The following VWA3B variants were observed in gnomAD, a reference collection of about 807,000 sequenced individuals.
The protein encoded by VWA3B is von Willebrand factor A domain-containing protein 3B.
Under a neutral mutation model 158.3 loss-of-function variants are expected in VWA3B, and 138 were observed. That is an observed-to-expected ratio of 0.87 (90% CI 0.76 to 1.00). The LOEUF (loss-of-function observed/expected upper bound fraction) is 1.00. Ranked by LOEUF, VWA3B falls within the 50% of genes least tolerant of loss-of-function variation. The probability of loss-of-function intolerance (pLI) is 0.00; values close to 1 mark genes in which losing one functional copy is unlikely to be tolerated. For synonymous variants in VWA3B, 596 were observed against 587.3 expected (o/e 1.01, Z -0.21); for missense variants, 1,555 against 1,565.1 (o/e 0.99, Z 0.11).
At chr2:98,100,965 T>C (rs1161570847) in intron 2 of VWA3B, among the ~76,000 whole-genome samples, 1 of 152,182 alleles carries the variant, frequency 6.6e-6, no homozygotes, top group Non-Finnish European at 1.5e-5. Context: ...CACTGGAAAG[T>C]CCTGTTTTGC....
chr2:98,112,217 CTG>C (rs1674185717), intron 2 of VWA3B, among the ~76,000 whole-genome samples: 1 of 151,496 alleles, frequency 6.6e-6, no homozygotes, highest in Non-Finnish European at 1.5e-5. Context: ...GATCATATGA[CTG>C]TAGTTGTGTG....
At chr2:98,316,162 A>G (rs910193436), downstream of VWA3B, among the ~76,000 whole-genome samples, 1 of 152,186 alleles carries the variant, frequency 6.6e-6, no homozygotes, top group African/African-American at 2.4e-5. Context: ...TTGCTGACTC[A>G]TTAACATACT....
chr2:98,268,131 T>G (rs1260841242), intron 21 of VWA3B, among the ~76,000 whole-genome samples: 2 of 151,558 alleles, frequency 1.3e-5, no homozygotes, highest in Non-Finnish European at 2.9e-5. Flanking sequence ...ACTGGTACCA[T>G]TCCTTCTGAA....
chr2:98,168,728 G>A (rs1167615006), intron 8 of VWA3B, among the ~76,000 whole-genome samples: 1 of 152,126 alleles, frequency 6.6e-6, no homozygotes, highest in Non-Finnish European at 1.5e-5. Context: ...TAGCAGATTA[G>A]ACATCGCAGG....
chr2:98,234,729 C>T lies in VWA3B; in HGVS notation c.2390C>T (p.Ser797Phe). Residue 797 changes from serine to phenylalanine, a missense_variant, in exon 17 of 28, where the codon TCC (serine) becomes TTC (phenylalanine). Coordinates refer to ENST00000477737, the MANE Select transcript of VWA3B (RefSeq NM_144992.5). The part of the protein sequence containing the change: ...SACSERKDGL[S>F]NASSRRTALS... ...TGCAGTGAAAGGAAGGATGGCCTCT[C>T]CAATGCCAGCAGCCGGAGGACTGCT... 6.2e-7 allele frequency: 1 copy of T among 1,614,204 alleles called. No homozygotes were observed. The highest frequency in any genetic ancestry group is 8.5e-7 in the Non-Finnish European group (1 of 1,180,032).
intron 26 of VWA3B, 49 bp downstream of exon 26, chr2:98,303,851 A>C: frequency 6.4e-7 from 1 of 1,565,204 alleles, no homozygotes. Context: ...ATATCCTTGC[A>C]CCTTTAATCT....
At chr2:98,103,044 A>G (rs1046832175) in intron 2 of VWA3B, among the ~76,000 whole-genome samples, 1 of 152,222 alleles carries the variant, frequency 6.6e-6, no homozygotes, top group Admixed American at 6.5e-5. Flanking sequence ...AGCATTGATC[A>G]TAATATGCCC....
downstream of VWA3B, among the ~76,000 whole-genome samples, chr2:98,314,170 T>C (rs1691036519): frequency 6.6e-6 from 1 of 152,126 alleles, no homozygotes; most frequent in African/African-American, 2.4e-5. Context: ...GCAGCCTCTG[T>C]GAGCTGAGGA....
intron 19 of VWA3B, among the ~76,000 whole-genome samples, chr2:98,240,198 TACAGAGACAC>T (rs1685984277): frequency 6.6e-6 from 1 of 152,174 alleles, no homozygotes; most frequent in East Asian, 1.9e-4. Context: ...AACGTATTTA[TACAGAGACAC>T]ATAAGAACTT....
intron 8 of VWA3B, among the ~76,000 whole-genome samples, chr2:98,164,965 T>C (rs1371178812): frequency 2.6e-5 from 4 of 152,250 alleles, no homozygotes; most frequent in Admixed American, 1.3e-4. Flanking sequence ...TTAGCCTTAT[T>C]CTTCTGCACA....
chr2:98,212,811 A>T (rs180951654), intron 13 of VWA3B, among the ~76,000 whole-genome samples: 185 of 55,864 alleles, frequency 3.3e-3, no homozygotes, highest in African/African-American at 0.013. Flanking sequence ...TTTATTTAAA[A>T]TTTTTTTTCC....
intron 13 of VWA3B, chr2:98,216,633 T>C: frequency 2.2e-6 from 1 of 452,296 alleles, no homozygotes. Flanking sequence ...CACAGCTGTT[T>C]AGACTCAGAG....
At position 98,188,026 on chromosome 2, in the gene VWA3B, G is replaced by C. The variant is rs201222817; in HGVS notation, c.1363G>C (p.Ala455Pro). The change falls in exon 10 of 28, where the codon GCT becomes CCT. Residue 455 changes from alanine (A) to proline (P), a missense_variant. Transcript: ENST00000477737. ...HAKYCSRFVH[A>P]PWKDGSLVHV... is the part of the protein sequence containing the mutation. ...AAAATATTGCAGCAGGTTTGTCCAT[G>C]CTCCCTGGAAGGATGGGAGCTTGGT... 28 of 1,613,920 alleles carry C rather than the reference G, an allele frequency of 1.7e-5. No homozygotes were observed. In the South Asian group the frequency reaches 2.9e-4, roughly 16 times the overall value.
intron 22 of VWA3B, among the ~76,000 whole-genome samples, chr2:98,278,062 G>A (rs533729390): frequency 6.6e-6 from 1 of 152,124 alleles, no homozygotes; most frequent in South Asian, 2.1e-4. Context: ...AGTCTGTTTT[G>A]CTGATATTCA....
At chr2:98,165,968 C>T (rs1679035547) in intron 8 of VWA3B, among the ~76,000 whole-genome samples, 1 of 152,106 alleles carries the variant, frequency 6.6e-6, no homozygotes, top group Non-Finnish European at 1.5e-5. Flanking sequence ...GAGTGTGTGG[C>T]CTGAATTGTG....
At chr2:98,148,552 T>C (rs1047910170) in intron 7 of VWA3B, among the ~76,000 whole-genome samples, 2 of 152,238 alleles carry the variant, frequency 1.3e-5, no homozygotes, top group Non-Finnish European at 2.9e-5. Flanking sequence ...AATCTATAAA[T>C]CCTGCAGTTC....
intron 17 of VWA3B, among the ~76,000 whole-genome samples, chr2:98,235,070 T>C (rs1015676916): frequency 4.7e-4 from 72 of 152,196 alleles, no homozygotes; most frequent in African/African-American, 1.6e-3. Context: ...TTGATTTTTT[T>C]TCTTCCCTTT....
At chr2:98,228,471 A>G in intron 15 of VWA3B, 139 bp downstream of exon 15, 1 of 1,101,530 alleles carries the variant, frequency 9.1e-7, no homozygotes, top group Non-Finnish European at 1.2e-6. Context: ...TTAAGTTAGG[A>G]TTTTTTTAAG....
At position 98,270,733 on chromosome 2, in the gene VWA3B, C is replaced by G; in HGVS notation, c.2895C>G (p.Asn965Lys). The change falls in exon 22 of 28, where the codon AAC (asparagine) becomes AAG (lysine). Residue 965 changes from asparagine to lysine, a missense_variant. By Grantham distance (94) the Asn-to-Lys change is moderately conservative (BLOSUM62 0). Transcript: ENST00000477737. ...ACTTGGAAAACAAAACAGTTTTAAACCAGGCTTTAGAACGGTTGAATTGGC... is the reference window on the plus strand; with the variant it reads ...ACTTGGAAAACAAAACAGTTTTAAAGCAGGCTTTAGAACGGTTGAATTGGC... ...IQYLENKTVL[N>K]QALERLNWPI... 6.2e-7 allele frequency: 1 copy of G among 1,614,100 alleles called. No homozygotes were observed. Among genetic ancestry groups the G allele is most frequent in the African/African-American group, 1.3e-5 (1 of 75,020 alleles).
Sources: allele counts gnomAD v4.1 joint callset (sites outside exome capture counted in the v4.1 genomes callset), GRCh38; gene constraint gnomAD v4.1.1; transcripts MANE v1.5; gene names NCBI Gene and HGNC (gene_info 2026-07-23, HGNC 2026-07-21).